The following ITGA8 variants were observed in gnomAD, a reference collection of about 807,000 sequenced individuals.
ITGA8 encodes integrin alpha-8.
A neutral mutation model predicts 142.3 loss-of-function variants in ITGA8; 91 were observed. The ratio of observed to expected loss-of-function variants is 0.64; its 90% CI spans 0.54 to 0.76. The LOEUF is 0.76. Among genes scored for constraint, ITGA8 ranks in the 30% least tolerant of loss-of-function variants. The pLI is 0.00. For missense variants in ITGA8, 1,406 were observed against 1,327.7 expected (o/e 1.06, Z -0.92); for synonymous variants, 505 against 485.2 (o/e 1.04, Z -0.54).
At chr10:15,649,567 G>T (rs1834048375) in intron 11 of ITGA8, among the ~76,000 whole-genome samples, 1 of 149,314 alleles carries the variant, frequency 6.7e-6, no homozygotes, top group Admixed American at 6.7e-5. Flanking sequence ...GGCAGAGGTT[G>T]CAGTGGGCCG....
chr10:15,671,749 T>C (rs192239935), intron 7 of ITGA8, 102 bp from the exon 8 acceptor site: 63 of 800,328 alleles, frequency 7.9e-5, no homozygotes, highest in Admixed American at 3.2e-4. Flanking sequence ...CTGCTTTATT[T>C]AGAAACCTCT....
intron 28 of ITGA8, among the ~76,000 whole-genome samples, chr10:15,521,412 G>A (rs527508792): frequency 6.4e-4 from 98 of 152,104 alleles, no homozygotes; most frequent in Admixed American, 1.8e-3. Flanking sequence ...TTCTTGATCC[G>A]CATCCCCCAT....
chr10:15,655,667 C>T (rs1834171360), intron 10 of ITGA8, among the ~76,000 whole-genome samples: 1 of 152,170 alleles, frequency 6.6e-6, no homozygotes, highest in Non-Finnish European at 1.5e-5. Flanking sequence ...TCTGTGGACA[C>T]AGCTATCGGA....
At chr10:15,613,190 TAAATAAATAAATAAAC>T (rs149489148) in intron 15 of ITGA8, among the ~76,000 whole-genome samples, 2 of 18,758 alleles carry the variant, frequency 1.1e-4, no homozygotes, top group Non-Finnish European at 5.2e-4. Flanking sequence ...AATAAATAAA[TAAATAAATAAATAAAC>T]AGGACATTAT....
At chr10:15,524,305 C>G (rs1461119834) in intron 28 of ITGA8, among the ~76,000 whole-genome samples, 1 of 152,182 alleles carries the variant, frequency 6.6e-6, no homozygotes, top group Non-Finnish European at 1.5e-5. Context: ...AACAGCGACC[C>G]AGAGCATTTC....
At chr10:15,595,281 T>C (rs1832993660) in intron 21 of ITGA8, among the ~76,000 whole-genome samples, 1 of 152,194 alleles carries the variant, frequency 6.6e-6, no homozygotes, top group Admixed American at 6.5e-5. Flanking sequence ...TTTAAAATCT[T>C]TAGCACTGCT....
chr10:15,710,620 G>A (rs1835345958), intron 2 of ITGA8, among the ~76,000 whole-genome samples: 1 of 152,206 alleles, frequency 6.6e-6, no homozygotes, highest in South Asian at 2.1e-4. Flanking sequence ...GTTGTTTGCT[G>A]TGCTCTAGAG....
chr10:15,702,481 G>A (rs757419008), intron 2 of ITGA8, among the ~76,000 whole-genome samples: 12 of 152,076 alleles, frequency 7.9e-5, no homozygotes, highest in Non-Finnish European at 1.3e-4. Context: ...GATAGAGATG[G>A]GGTTTCACCA....
intron 13 of ITGA8, among the ~76,000 whole-genome samples, chr10:15,641,234 T>G (rs1833866865): frequency 6.6e-6 from 1 of 152,168 alleles, no homozygotes; most frequent in South Asian, 2.1e-4. Flanking sequence ...GTCTTGAATC[T>G]GAATAAATAC....
chr10:15,542,557 G>A (rs920764841), intron 27 of ITGA8, among the ~76,000 whole-genome samples: 1 of 152,040 alleles, frequency 6.6e-6, no homozygotes, highest in African/African-American at 2.4e-5. Context: ...TTATATAGTA[G>A]TTATAGTATA....
intron 21 of ITGA8, among the ~76,000 whole-genome samples, chr10:15,596,213 T>G (rs1366067270): frequency 6.6e-6 from 1 of 152,220 alleles, no homozygotes; most frequent in African/African-American, 2.4e-5. Flanking sequence ...TCATCTGTTA[T>G]TCATTTGTTT....
At chr10:15,676,215 C>G (rs888285302) in intron 6 of ITGA8, among the ~76,000 whole-genome samples, 27 of 152,282 alleles carry the variant, frequency 1.8e-4, no homozygotes, top group African/African-American at 5.8e-4. Context: ...CACCTAGGTA[C>G]TCCTACGTAA....
At position 15,679,744 on chromosome 10, in the gene ITGA8, T is replaced by C. The variant is rs1834700686; in HGVS notation, c.569-961A>G. ...TTGCTTTCTATCCAATATGATTCAC[T>C]AACTCATTGTCCAATAGGATCTCAT... On this transcript the variant is annotated intron_variant, in intron 4 of 29. Transcript: ENST00000378076. Among the ~76,000 whole-genome samples the C allele has an allele frequency of 3.3e-5, 5 of 152,336 alleles. No individual in the cohort carries two copies. In the South Asian group the frequency reaches 1.0e-3, roughly 32 times the overall value.
intron 13 of ITGA8, among the ~76,000 whole-genome samples, chr10:15,640,751 C>T (rs534598094): frequency 5.5e-4 from 84 of 152,230 alleles, no homozygotes; most frequent in African/African-American, 1.8e-3. Flanking sequence ...CCAGCCTGTG[C>T]GTGTCTGAGT....
At chr10:15,605,112 T>A (rs1457148371) in intron 19 of ITGA8, among the ~76,000 whole-genome samples, 2 of 152,074 alleles carry the variant, frequency 1.3e-5, no homozygotes, top group Non-Finnish European at 2.9e-5. Context: ...GAAACACAAA[T>A]CTGTTTCTTG....
chr10:15,519,948 A>T (rs534416952), intron 28 of ITGA8, among the ~76,000 whole-genome samples: 1 of 152,302 alleles, frequency 6.6e-6, no homozygotes, highest in East Asian at 1.9e-4. Flanking sequence ...ATTCATTCAC[A>T]CAACGAATTA....
At chr10:15,630,089 A>G (rs963209678) in intron 13 of ITGA8, among the ~76,000 whole-genome samples, 5 of 152,106 alleles carry the variant, frequency 3.3e-5, no homozygotes, top group Non-Finnish European at 7.3e-5. Context: ...AACTAGGGTC[A>G]AGGGTTAAAC....
intron 2 of ITGA8, among the ~76,000 whole-genome samples, chr10:15,692,891 A>G (rs139201360): frequency 0.085 from 12,997 of 152,198 alleles, 713 homozygotes; most frequent in Non-Finnish European, 0.12. Context: ...AATATGGTGA[A>G]ACTGTGTCTC....
intron 11 of ITGA8, among the ~76,000 whole-genome samples, chr10:15,647,728 C>T (rs992999104): frequency 1.3e-5 from 2 of 152,010 alleles, no homozygotes; most frequent in African/African-American, 4.8e-5. Context: ...TCCCAAAGTG[C>T]TGGGATTACA....
Sources: allele counts gnomAD v4.1 joint callset (sites outside exome capture counted in the v4.1 genomes callset), GRCh38; gene constraint gnomAD v4.1.1; transcripts MANE v1.5; gene names NCBI Gene and HGNC (gene_info 2026-07-23, HGNC 2026-07-21).